BRF1: variants seen among roughly 807,000 people sequenced by gnomAD.
BRF1 encodes BRF1 general transcription factor IIIB subunit, also known as transcription factor IIIB 90 kDa subunit.
In BRF1, 59 loss-of-function variants were observed where a neutral mutation model predicts 81.7. The observed-to-expected ratio is 0.72, with a 90% confidence interval of 0.59 to 0.90. BRF1 has a LOEUF of 0.90. Ranked by LOEUF, BRF1 falls within the 40% of genes least tolerant of loss-of-function variation. The probability of loss-of-function intolerance (pLI) is 0.00; values close to 1 mark genes in which losing one functional copy is unlikely to be tolerated. For missense variants in BRF1, 1,050 were observed against 936.3 expected (o/e 1.12, Z -1.58); for synonymous variants, 491 against 395.6 (o/e 1.24, Z -2.86).
chr14:105,247,742 T>C, intron 5 of BRF1: 1 of 985,472 alleles, frequency 1.0e-6, no homozygotes. Flanking sequence ...GTGTGTGTCC[T>C]CGGGGAGGAA....
intron 2 of BRF1, among the ~76,000 whole-genome samples, chr14:105,280,649 G>A (rs1259065219): frequency 2.6e-5 from 4 of 152,098 alleles, no homozygotes; most frequent in Non-Finnish European, 5.9e-5. Context: ...GAGCCTGCGT[G>A]TGCAGGTGGA....
rs990469505 is a variant in BRF1 at position 105,211,900 on chromosome 14, G to A, written c.1824+213C>T. On this transcript the variant is annotated intron_variant, in intron 16 of 17. Coordinates refer to ENST00000547530, the MANE Select transcript of BRF1 (RefSeq NM_001519.4). ...GAGCGCTGAGCAGCAGGCACACAAC[G>A]GTCCCCACTTCCTGCCCGCTCCTGC... 6.0e-5 allele frequency: 39 copies of A among 648,058 alleles called. 1 individual carries two copies. The highest frequency in any genetic ancestry group is 5.1e-4 in the African/African-American group (26 of 50,486). The allele number at this position is 648,058 out of a possible 1,614,324, so 40.1% of individuals were successfully genotyped here.
At chr14:105,248,628 A>G (rs904388149) in intron 5 of BRF1, 1 of 976,030 alleles carries the variant, frequency 1.0e-6, no homozygotes, top group Non-Finnish European at 1.2e-6. Flanking sequence ...GGGCTGCGCT[A>G]GGCTGGGCTC....
intron 1 of BRF1, among the ~76,000 whole-genome samples, chr14:105,288,084 G>A (rs774525770): frequency 6.6e-6 from 1 of 152,204 alleles, no homozygotes; most frequent in East Asian, 1.9e-4. Context: ...AGACTACCTA[G>A]GTTGTCACAA....
At chr14:105,243,383 G>C (rs953931788) in intron 5 of BRF1, among the ~76,000 whole-genome samples, 1 of 151,454 alleles carries the variant, frequency 6.6e-6, no homozygotes, top group African/African-American at 2.4e-5. Flanking sequence ...CTGGGAGGTG[G>C]AGGTTATAGT....
intron 12 of BRF1, chr14:105,219,679 G>A (rs1305832630): frequency 7.4e-6 from 3 of 405,822 alleles, no homozygotes; most frequent in African/African-American, 2.0e-5. Flanking sequence ...ACTGCAAAGA[G>A]CTGGTCCCAA....
intron 5 of BRF1, chr14:105,252,291 G>C (rs587774174): frequency 1.2e-6 from 1 of 832,380 alleles, no homozygotes; most frequent in African/African-American, 1.8e-5. Flanking sequence ...AGTGAGCTAC[G>C]ATTGTGCCAC....
Position 105,300,696 on chromosome 14 carries a change from A to C in BRF1, c.-67T>G, listed in dbSNP as rs974137810. The C allele has an allele frequency of 1.6e-4, 188 of 1,200,090 alleles. No individual in the cohort carries two copies. Among genetic ancestry groups the C allele is most frequent in the Non-Finnish European group, 1.9e-4 (181 of 958,990 alleles). The allele number at this position is 1,200,090 out of a possible 1,614,324, so 74.3% of individuals were successfully genotyped here. ...CTCAAGCCACCCGAGCCTCCGGAGCAGCCCGCGCCGCCCGCCCAGGCCCAG... is the reference window on the plus strand; with the variant it reads ...CTCAAGCCACCCGAGCCTCCGGAGCCGCCCGCGCCGCCCGCCCAGGCCCAG... On this transcript the variant is annotated 5_prime_UTR_variant, in exon 1 of 18. Coordinates refer to ENST00000547530, the MANE Select transcript of BRF1 (RefSeq NM_001519.4).
intron 2 of BRF1, among the ~76,000 whole-genome samples, chr14:105,283,820 G>A (rs587671047): frequency 1.3e-5 from 2 of 152,310 alleles, no homozygotes; most frequent in East Asian, 1.9e-4. Context: ...AAATCTTGAA[G>A]TCAGTAGAAG....
upstream of BRF1, among the ~76,000 whole-genome samples, chr14:105,304,480 C>G (rs911607078): frequency 1.3e-5 from 2 of 152,016 alleles, no homozygotes; most frequent in African/African-American, 4.8e-5. Context: ...AAGAGTGAAA[C>G]TCCATCTCAC....
chr14:105,213,703 G>A (rs1337567724), intron 15 of BRF1, among the ~76,000 whole-genome samples: 1 of 152,172 alleles, frequency 6.6e-6, no homozygotes, highest in Non-Finnish European at 1.5e-5. Context: ...CCAAGGTCCT[G>A]ACAGACAAGT....
chr14:105,219,648 A>T, intron 12 of BRF1: 2 of 394,280 alleles, frequency 5.1e-6, no homozygotes, highest in Non-Finnish European at 9.2e-6. Context: ...TGCCTGACAG[A>T]GGGCAAGTAT....
rs1443122459 is a variant in BRF1 at position 105,309,848 on chromosome 14, C to T, written c.-162+5474G>A. Among the ~76,000 whole-genome samples the T allele has an allele frequency of 2.9e-5, 4 of 137,604 alleles. No individual in the cohort carries two copies. The highest frequency in any genetic ancestry group is 1.6e-4 in the Admixed American group (2 of 12,708). 90.3% of individuals were successfully genotyped at this position (137,604 alleles called of 152,430 possible). On this transcript the variant is annotated intron_variant, in intron 1 of 17. Transcript: ENST00000327359. This position sits in a 1 kb window ranked among gnomAD's most constrained non-coding sequence, Gnocchi z 4.0. ...TTGCCCAGGCAGGAGTGCAGTGGCACAATCTCGGCTCACTGCAAGCTCCGC... is the reference window on the plus strand; with the variant it reads ...TTGCCCAGGCAGGAGTGCAGTGGCATAATCTCGGCTCACTGCAAGCTCCGC...
At chr14:105,256,815 G>A (rs1354141687) in intron 3 of BRF1, among the ~76,000 whole-genome samples, 5 of 152,278 alleles carry the variant, frequency 3.3e-5, no homozygotes. Context: ...ACCTGGAGCC[G>A]GGTCGGGGGA....
At chr14:105,247,561 G>A (rs973321125) in intron 5 of BRF1, 2 of 985,272 alleles carry the variant, frequency 2.0e-6, no homozygotes, top group African/African-American at 1.7e-5. Context: ...CTCTCCCAGG[G>A]AACATTCACT....
At chr14:105,245,466 A>T (rs587720980) in intron 5 of BRF1, among the ~76,000 whole-genome samples, 8 of 152,228 alleles carry the variant, frequency 5.3e-5, no homozygotes, top group Admixed American at 5.2e-4. Flanking sequence ...CAAAGGGACT[A>T]ATAAGAAAAA....
intron 1 of BRF1, among the ~76,000 whole-genome samples, chr14:105,310,418 T>C (rs1595526083): frequency 6.7e-6 from 1 of 150,110 alleles, no homozygotes; most frequent in Non-Finnish European, 1.5e-5. Context: ...TAGTCCCCCC[T>C]ACTCAGGAGG....
intron 3 of BRF1, among the ~76,000 whole-genome samples, chr14:105,264,748 A>T (rs2056323858): frequency 1.3e-5 from 2 of 150,004 alleles, no homozygotes. Context: ...GGCTGAGGTG[A>T]GAGGATTGCT....
chr14:105,211,974 C>T, intron 16 of BRF1, 139 bp downstream of exon 16: 2 of 1,303,498 alleles, frequency 1.5e-6, no homozygotes, highest in East Asian at 2.5e-5. Context: ...TCTGGCCATG[C>T]CAGGCAAGTA....
Sources: allele counts gnomAD v4.1 joint callset (sites outside exome capture counted in the v4.1 genomes callset), GRCh38; gene constraint gnomAD v4.1.1; non-coding constraint Gnocchi (gnomAD v3.1); transcripts MANE v1.5; gene names NCBI Gene and HGNC (gene_info 2026-07-23, HGNC 2026-07-21).